NEGR1: variants seen among roughly 807,000 people sequenced by gnomAD.
NEGR1 encodes the protein neuronal growth regulator 1, also known as IgLON family member 4.
Under a neutral mutation model 40.9 loss-of-function variants are expected in NEGR1, and 10 were observed. That is an observed-to-expected ratio of 0.24 (90% CI 0.15 to 0.42). The LOEUF (loss-of-function observed/expected upper bound fraction) is 0.42, where lower values mean the gene tolerates loss of function less well. NEGR1 is among the 10% of genes least tolerant of loss of function. NEGR1 has a pLI of 1.00. For synonymous variants in NEGR1, 185 were observed against 166.8 expected, an observed-to-expected ratio of 1.11 and a Z score of -0.84; for missense variants, 352 against 438.9, an observed-to-expected ratio of 0.80 and a Z score of 1.77.
At chr1:71,709,757 G>A (rs1348014723) in intron 3 of NEGR1, among the ~76,000 whole-genome samples, 1 of 152,144 alleles carries the variant, frequency 6.6e-6, no homozygotes, top group Non-Finnish European at 1.5e-5. Context: ...CTCAAACTAT[G>A]TAATTACTAC....
intron 6 of NEGR1, among the ~76,000 whole-genome samples, chr1:71,524,498 G>A (rs1265802725): frequency 1.3e-5 from 2 of 151,576 alleles, no homozygotes; most frequent in African/African-American, 4.8e-5. Context: ...TATTCAAATA[G>A]CTTGTACTCT....
chr1:71,764,101 T>A (rs1656040541), intron 3 of NEGR1, among the ~76,000 whole-genome samples: 1 of 152,184 alleles, frequency 6.6e-6, no homozygotes, highest in Non-Finnish European at 1.5e-5. Flanking sequence ...AGTGGTGACA[T>A]GAAGTACTAT....
At chr1:71,529,837 A>T (rs1647299853) in intron 6 of NEGR1, among the ~76,000 whole-genome samples, 1 of 151,176 alleles carries the variant, frequency 6.6e-6, no homozygotes, top group Non-Finnish European at 1.5e-5. Flanking sequence ...CTAATGAAAG[A>T]ATAGTTTTCT....
intron 5 of NEGR1, among the ~76,000 whole-genome samples, chr1:71,607,679 T>A (rs1650113934): frequency 1.3e-5 from 2 of 152,190 alleles, no homozygotes; most frequent in South Asian, 4.1e-4. Flanking sequence ...GACAGCTTTT[T>A]ATTTATTTTT....
rs542626173 is a variant in NEGR1 at position 71,704,327 on chromosome 1, C to T, written c.536-6188G>A. On this transcript the variant is annotated intron_variant, in intron 3 of 6. Transcript: ENST00000357731. Reference sequence around the variant, plus strand: ...ATAAATTATTAAAATTGAAGATGAACAGTCAACAGTGAAACTCAATGAAAG... The same window carrying T: ...ATAAATTATTAAAATTGAAGATGAATAGTCAACAGTGAAACTCAATGAAAG... 6.1e-4 allele frequency among the ~76,000 whole-genome samples: 92 copies of T among 151,882 alleles called. 1 individual carries two copies. The highest frequency in any genetic ancestry group is 2.1e-3 in the African/African-American group (89 of 41,482).
intron 4 of NEGR1, among the ~76,000 whole-genome samples, chr1:71,687,640 C>T (rs150960726): frequency 6.6e-6 from 1 of 152,306 alleles, no homozygotes; most frequent in Non-Finnish European, 1.5e-5. Flanking sequence ...TGGTTCTGCA[C>T]TTTATTTCAG....
At chr1:71,543,453 T>G (rs1444525705) in intron 6 of NEGR1, among the ~76,000 whole-genome samples, 1 of 151,752 alleles carries the variant, frequency 6.6e-6, no homozygotes, top group Non-Finnish European at 1.5e-5. Context: ...ATTGAAATAG[T>G]AGAGTCTGAC....
At chr1:72,262,123 A>G (rs932381931) in intron 1 of NEGR1, among the ~76,000 whole-genome samples, 7 of 152,022 alleles carry the variant, frequency 4.6e-5, no homozygotes, top group African/African-American at 1.2e-4. Context: ...CCTAGATTGG[A>G]TAACTGGGTG....
intron 1 of NEGR1, among the ~76,000 whole-genome samples, chr1:72,138,553 CAAAAG>C (rs927132079): frequency 5.3e-5 from 8 of 151,602 alleles, no homozygotes; most frequent in African/African-American, 1.7e-4. Flanking sequence ...GAATACTAAT[CAAAAG>C]AAAGTTGGAA....
chr1:71,450,908 T>C lies in NEGR1; in HGVS notation c.941-43338A>G, dbSNP rs570062967. Reference sequence around the variant, plus strand: ...TAATCATTAATGATTAAATATTACTTACAGTGTGAAAAAAATACACATTTT... The same window carrying C: ...TAATCATTAATGATTAAATATTACTCACAGTGTGAAAAAAATACACATTTT... On this transcript the variant is annotated intron_variant, in intron 6 of 6. Coordinates refer to ENST00000357731, the MANE Select transcript of NEGR1 (RefSeq NM_173808.3). Among the ~76,000 whole-genome samples the C allele has an allele frequency of 3.3e-5, 5 of 152,164 alleles. No individual in the cohort carries two copies. The South Asian group carries it at 1.0e-3, about 32-fold the overall frequency.
At chr1:71,802,730 C>T (rs188858189) in intron 2 of NEGR1, among the ~76,000 whole-genome samples, 6 of 152,272 alleles carry the variant, frequency 3.9e-5, no homozygotes, top group African/African-American at 9.6e-5. Context: ...GCTTGGGACT[C>T]ATCATGTCTT....
intron 6 of NEGR1, among the ~76,000 whole-genome samples, chr1:71,526,745 C>T (rs1380266801): frequency 6.6e-6 from 1 of 151,496 alleles, no homozygotes; most frequent in African/African-American, 2.4e-5. Flanking sequence ...GTCTTATTCA[C>T]GTTAATTAGA....
intron 4 of NEGR1, chr1:71,697,791 A>G (rs576052424): frequency 5.6e-6 from 3 of 533,218 alleles, no homozygotes; most frequent in Non-Finnish European, 1.0e-5. Flanking sequence ...ATTTCACTCC[A>G]TACATCAGAC....
chr1:71,724,633 G>C (rs1654615145), intron 3 of NEGR1, among the ~76,000 whole-genome samples: 1 of 152,070 alleles, frequency 6.6e-6, no homozygotes, highest in Admixed American at 6.6e-5. Flanking sequence ...CTTGAAAACA[G>C]TTTGATCTTT....
intron 4 of NEGR1, among the ~76,000 whole-genome samples, chr1:71,694,698 T>C (rs986459953): frequency 2.6e-5 from 4 of 151,728 alleles, no homozygotes; most frequent in African/African-American, 9.7e-5. Flanking sequence ...AATAAAACAT[T>C]AAACATTTCT....
chr1:72,279,091 A>G (rs1275103417), intron 1 of NEGR1, among the ~76,000 whole-genome samples: 1 of 152,162 alleles, frequency 6.6e-6, no homozygotes, highest in African/African-American at 2.4e-5. Context: ...TAACCCTAAA[A>G]GACAAAGTTA....
At chr1:72,043,340 T>C (rs1646972455) in intron 1 of NEGR1, among the ~76,000 whole-genome samples, 2 of 151,884 alleles carry the variant, frequency 1.3e-5, no homozygotes, top group Admixed American at 1.3e-4. Context: ...ATAACCAGCA[T>C]TGCCTTTGTT....
intron 1 of NEGR1, among the ~76,000 whole-genome samples, chr1:72,198,536 GTT>G (rs1256150557): frequency 6.6e-6 from 1 of 151,960 alleles, no homozygotes; most frequent in Non-Finnish European, 1.5e-5. Flanking sequence ...TTATTTAGTT[GTT>G]TTCTTTTTTA....
chr1:71,739,200 A>G (rs920922301), intron 3 of NEGR1, among the ~76,000 whole-genome samples: 6 of 113,432 alleles, frequency 5.3e-5, no homozygotes, highest in African/African-American at 2.3e-4. Flanking sequence ...AGGCAGGCAG[A>G]AAAAAAAAAA....
Sources: allele counts gnomAD v4.1 joint callset (sites outside exome capture counted in the v4.1 genomes callset), GRCh38; gene constraint gnomAD v4.1.1; transcripts MANE v1.5; gene names NCBI Gene and HGNC (gene_info 2026-07-23, HGNC 2026-07-21).